The following AKAP9 variants were observed in gnomAD, a reference collection of about 807,000 sequenced individuals.
The protein encoded by AKAP9 is A-kinase anchor protein 9.
In AKAP9, 311 loss-of-function variants were observed where a neutral mutation model predicts 488.5. The ratio of observed to expected loss-of-function variants is 0.64; its 90% CI spans 0.58 to 0.70. The LOEUF (loss-of-function observed/expected upper bound fraction) is 0.70. Among genes scored for constraint, AKAP9 ranks in the 30% least tolerant of loss-of-function variants. The pLI is 0.00. For missense variants in AKAP9, 4,215 were observed against 4,374.5 expected, an observed-to-expected ratio of 0.96 and a Z score of 1.03; for synonymous variants, 1,462 against 1,483.5, an observed-to-expected ratio of 0.99 and a Z score of 0.33.
chr7:92,073,840 A>T (rs752418992), intron 28 of AKAP9, among the ~76,000 whole-genome samples: 3 of 152,196 alleles, frequency 2.0e-5, no homozygotes, highest in Non-Finnish European at 4.4e-5. Context: ...TCACCCAGGG[A>T]TCTTGTTAAA....
intron 3 of AKAP9, among the ~76,000 whole-genome samples, chr7:91,991,241 A>G (rs1293459544): frequency 6.6e-6 from 1 of 152,194 alleles, no homozygotes; most frequent in Non-Finnish European, 1.5e-5. Context: ...AAGAAAAGCT[A>G]ATTGCAATTT....
intron 45 of AKAP9, 53 bp downstream of exon 45, chr7:92,101,109 C>A: frequency 6.4e-7 from 1 of 1,552,958 alleles, no homozygotes; most frequent in Non-Finnish European, 8.8e-7. Context: ...TTTTTGCCTT[C>A]TTTCATCTCT....
chr7:92,109,122 C>G (rs550599940), intron 49 of AKAP9: 3 of 238,046 alleles, frequency 1.3e-5, no homozygotes, highest in African/African-American at 6.8e-5. Context: ...TTACTTTAAG[C>G]ACTTAATGTA....
intron 28 of AKAP9, among the ~76,000 whole-genome samples, chr7:92,074,539 T>C (rs1280803294): frequency 1.3e-5 from 2 of 152,134 alleles, no homozygotes; most frequent in Non-Finnish European, 2.9e-5. Context: ...TATAAATCAT[T>C]CTACTATAAA....
chr7:92,052,987 T>C, intron 22 of AKAP9, 29 bp downstream of exon 22: 1 of 1,552,888 alleles, frequency 6.4e-7, no homozygotes, highest in Non-Finnish European at 8.9e-7. Context: ...TAATATGTAC[T>C]GAGTTTGAAG....
intron 8 of AKAP9, among the ~76,000 whole-genome samples, chr7:92,003,944 A>C (rs931467755): frequency 6.6e-6 from 1 of 152,188 alleles, no homozygotes; most frequent in Non-Finnish European, 1.5e-5. Context: ...TTTTTCTAAC[A>C]TATTTATTGA....
chr7:91,965,601 T>C (rs1794341786), intron 1 of AKAP9, among the ~76,000 whole-genome samples: 1 of 152,186 alleles, frequency 6.6e-6, no homozygotes, highest in South Asian at 2.1e-4. Context: ...TTTTTAGAAA[T>C]CCTCCATACA....
At chr7:91,965,173 A>G (rs992289054) in intron 1 of AKAP9, among the ~76,000 whole-genome samples, 2 of 152,148 alleles carry the variant, frequency 1.3e-5, no homozygotes, top group Non-Finnish European at 2.9e-5. Context: ...ATCCATTGTC[A>G]GCCCCTCTTC....
At chr7:92,031,982 G>A (rs1442676331) in intron 16 of AKAP9, among the ~76,000 whole-genome samples, 3 of 152,146 alleles carry the variant, frequency 2.0e-5, no homozygotes, top group Non-Finnish European at 4.4e-5. Context: ...GTTTTGTTAG[G>A]TAATGACTAC....
At chr7:92,063,432 CTTTTT>C (rs35933206) in intron 24 of AKAP9, 2 of 902,458 alleles carry the variant, frequency 2.2e-6, no homozygotes, top group Non-Finnish European at 2.6e-6. Flanking sequence ...TTTGTTGTGT[CTTTTT>C]TTTTTTTTTT....
chr7:91,969,021 G>A (rs548172595), intron 1 of AKAP9, among the ~76,000 whole-genome samples: 155 of 152,070 alleles, frequency 1.0e-3, no homozygotes, highest in African/African-American at 3.7e-3. Context: ...ACAGGCGTGG[G>A]ACACCATGCC....
chr7:92,038,389 A>G (rs1205837003), intron 16 of AKAP9, 30 bp from the exon 17 acceptor site: 2 of 1,537,238 alleles, frequency 1.3e-6, no homozygotes, highest in Admixed American at 3.3e-5. Flanking sequence ...TCTAAATCTA[A>G]TCCTTTATTG....
chr7:92,097,301 C>G lies in AKAP9; in HGVS notation c.10342C>G (p.Leu3448Val). The G allele has an allele frequency of 6.2e-7, 1 of 1,613,808 alleles. No individual in the cohort carries two copies. Among genetic ancestry groups the G allele is most frequent in the Non-Finnish European group, 8.5e-7 (1 of 1,179,990 alleles). Reference sequence around the variant, plus strand: ...CATGCAGGAATTCCAGAAGCAAGAACTAGAACGAGAAGAAAAACGAGAAAG... The same window carrying G: ...CATGCAGGAATTCCAGAAGCAAGAAGTAGAACGAGAAGAAAAACGAGAAAG... ...GIMQEFQKQE[L>V]EREEKRESRR... Residue 3448 changes from leucine to valine, a missense_variant, in exon 41 of 50, where the codon CTA becomes GTA. Physicochemically the swap from Leu to Val is conservative, Grantham distance 32. This residue lies in a region of AKAP9 where 1,476 missense variants were observed against 1,477.4 expected (regional missense o/e 1.00). Transcript: ENST00000356239.
intron 22 of AKAP9, among the ~76,000 whole-genome samples, chr7:92,053,204 G>A (rs1409297621): frequency 6.6e-6 from 1 of 152,042 alleles, no homozygotes; most frequent in South Asian, 2.1e-4. Flanking sequence ...AGGTATATTA[G>A]TATTTAATTT....
At position 92,096,839 on chromosome 7, in the gene AKAP9, C is replaced by G. The variant is rs145355395; in HGVS notation, c.9880C>G (p.Arg3294Gly). 6.2e-6 allele frequency: 10 copies of G among 1,614,072 alleles called. No individual in the cohort carries two copies. Among genetic ancestry groups the G allele is most frequent in the Non-Finnish European group, 7.6e-6 (9 of 1,180,022 alleles). The change falls in exon 41 of 50, where the codon CGA becomes GGA. Residue 3294 changes from arginine (R) to glycine (G), a missense_variant. Coordinates refer to ENST00000356239, the MANE Select transcript of AKAP9 (RefSeq NM_005751.5). ...YDAQLSEEQG[R>G]NLELQVLLES... ...TGCCCAGTTGTCAGAAGAACAAGGT[C>G]GAAACTTAGAGCTTCAGGTACTTCT... is the stretch of plus-strand genomic sequence containing the variant.
Position 92,068,920 on chromosome 7 carries a change from C to CT in AKAP9, c.6331-1103dup, listed in dbSNP as rs35298653. Reference sequence around the variant, plus strand: ...CTTTATTTCTTACCATCACATGTCGCTTTTTTTAAAGTAAGCTTTCCTTCC... The same window carrying CT: ...CTTTATTTCTTACCATCACATGTCGCTTTTTTTTAAAGTAAGCTTTCCTTCC... On this transcript the variant is annotated intron_variant, in intron 26 of 49. Transcript: ENST00000356239. Among the ~76,000 whole-genome samples the CT allele has an allele frequency of 6.6e-5, 10 of 152,236 alleles. No homozygotes were observed. In the South Asian group the frequency reaches 2.1e-3, roughly 32 times the overall value.
intron 38 of AKAP9, among the ~76,000 whole-genome samples, chr7:92,090,924 A>G (rs1005286782): frequency 6.6e-6 from 1 of 152,202 alleles, no homozygotes; most frequent in African/African-American, 2.4e-5. Context: ...GTTGCTTCAC[A>G]TCTTTGCCAA....
chr7:92,019,493 A>T (rs1421352351), intron 12 of AKAP9, among the ~76,000 whole-genome samples: 1 of 151,940 alleles, frequency 6.6e-6, no homozygotes, highest in African/African-American at 2.4e-5. Context: ...CAGACTGGTC[A>T]GCCAATATTT....
intron 24 of AKAP9, 69 bp from the exon 25 acceptor site, chr7:92,065,162 A>T: frequency 9.5e-7 from 1 of 1,048,668 alleles, no homozygotes; most frequent in Admixed American, 2.3e-5. Context: ...GGACATAGTT[A>T]TCAGGGATTT....
Sources: gnomAD v4.1 joint callset for allele counts (sites outside exome capture counted in the v4.1 genomes callset) on GRCh38, gnomAD v4.1.1 for gene constraint, gnomAD v4.1.1 regional missense constraint, MANE v1.5 for transcripts, NCBI Gene and HGNC (gene_info 2026-07-23, HGNC 2026-07-21) for gene names.